Variants in DCDC1 observed in about 807,000 individuals in gnomAD.
The protein encoded by DCDC1 is doublecortin domain-containing protein 1.
Under a neutral mutation model 178.3 loss-of-function variants are expected in DCDC1, and 200 were observed. The observed-to-expected ratio is 1.12, with a 90% CI of 1.00 to 1.26. The LOEUF is 1.26. Among genes scored for constraint, DCDC1 ranks in the 50% most tolerant of loss-of-function variants. The probability of loss-of-function intolerance (pLI) is 0.00; values close to 1 mark genes in which losing one functional copy is unlikely to be tolerated. For synonymous variants in DCDC1, 690 were observed against 604.8 expected, an observed-to-expected ratio of 1.14 and a Z score of -2.07; for missense variants, 1,983 against 1,749.2, an observed-to-expected ratio of 1.13 and a Z score of -2.38.
At chr11:30,883,823 A>G (rs1409178635) in intron 36 of DCDC1, among the ~76,000 whole-genome samples, 1 of 152,156 alleles carries the variant, frequency 6.6e-6, no homozygotes, top group Admixed American at 6.6e-5. Flanking sequence ...TTATTAAGAA[A>G]TGAATCAAAT....
intron 9 of DCDC1, among the ~76,000 whole-genome samples, chr11:31,141,578 C>T (rs1224084018): frequency 6.6e-6 from 1 of 152,038 alleles, no homozygotes; most frequent in Non-Finnish European, 1.5e-5. Flanking sequence ...ATCAGTTGAT[C>T]TATTAATAAA....
rs185368791 is a variant in DCDC1 at position 31,294,724 on chromosome 11, A to G, written c.755-3872T>C. Among the ~76,000 whole-genome samples, 609 of 71,466 alleles carry G rather than the reference A, an allele frequency of 8.5e-3. 20 individuals are homozygous for G. The highest frequency in any genetic ancestry group is 0.027 in the African/African-American group (570 of 20,820). The allele number at this position is 71,466 out of a possible 152,430, so 46.9% of individuals were successfully genotyped here. ...AGAAAGAGAGAGGGAGGAAGGAAGGAAGGGAGGGAGGGAGGGAGGGAGGAA... is the reference window on the plus strand; with the variant it reads ...AGAAAGAGAGAGGGAGGAAGGAAGGGAGGGAGGGAGGGAGGGAGGGAGGAA... On this transcript the variant is annotated intron_variant, in intron 6 of 38. Transcript: ENST00000684477.
At chr11:31,296,711 CTT>C (rs1346242747) in intron 6 of DCDC1, among the ~76,000 whole-genome samples, 3 of 152,124 alleles carry the variant, frequency 2.0e-5, no homozygotes, top group Non-Finnish European at 2.9e-5. Flanking sequence ...CCTCAGGAAA[CTT>C]AGAATCATGG....
chr11:31,305,002 C>T (rs1372360296), intron 6 of DCDC1, among the ~76,000 whole-genome samples: 2 of 152,008 alleles, frequency 1.3e-5, no homozygotes, highest in Non-Finnish European at 2.9e-5. Flanking sequence ...AGAAAATCTC[C>T]ACATTTCTGA....
Position 31,300,735 on chromosome 11 carries a change from A to G in DCDC1, c.754+4880T>C, listed in dbSNP as rs1022962075. Among the ~76,000 whole-genome samples, 23 of 152,140 alleles carry G rather than the reference A, an allele frequency of 1.5e-4. 1 individual carries two copies. The highest frequency in any genetic ancestry group is 2.4e-5 in the African/African-American group (1 of 41,446). On this transcript the variant is annotated intron_variant, in intron 6 of 38. Transcript: ENST00000684477. ...ATTCTCAGGTAAAGTAACAAGCAGCATAGGCAGACAACTAAGTGATTTGAT... is the reference window on the plus strand; with the variant it reads ...ATTCTCAGGTAAAGTAACAAGCAGCGTAGGCAGACAACTAAGTGATTTGAT...
At chr11:31,102,010 G>C (rs1032725632) in intron 15 of DCDC1, among the ~76,000 whole-genome samples, 167 bp downstream of exon 15, 5 of 151,580 alleles carry the variant, frequency 3.3e-5, no homozygotes, top group African/African-American at 2.4e-5. Flanking sequence ...CCAGGAGGTA[G>C]AGGCTGCAGT....
chr11:30,888,060 AAGAGAGAG>A (rs59618526), intron 36 of DCDC1, among the ~76,000 whole-genome samples: 37 of 73,474 alleles, frequency 5.0e-4, no homozygotes, highest in East Asian at 2.8e-3. Flanking sequence ...GAAAGAAAGA[AAGAGAGAG>A]AGAGAGAGAG....
At chr11:31,276,203 C>T (rs1240815591) in intron 7 of DCDC1, among the ~76,000 whole-genome samples, 1 of 152,154 alleles carries the variant, frequency 6.6e-6, no homozygotes, top group Non-Finnish European at 1.5e-5. Context: ...AAAATCTATT[C>T]AGCTAATTCA....
intron 1 of DCDC1, among the ~76,000 whole-genome samples, chr11:31,365,442 GTGA>G (rs1039439637): frequency 4.6e-5 from 7 of 152,068 alleles, no homozygotes; most frequent in Non-Finnish European, 4.4e-5. Flanking sequence ...GGAATAGTTG[GTGA>G]TGGAACTACC....
Position 31,140,275 on chromosome 11 carries a change from G to A in DCDC1, c.1222-2491C>T, listed in dbSNP as rs1963655904. Reference sequence around the variant, plus strand: ...GTTGATTTTTCATGTGTTAAGAAGGGTAGAGATTTCAAAAATTAAAAATTG... The same window carrying A: ...GTTGATTTTTCATGTGTTAAGAAGGATAGAGATTTCAAAAATTAAAAATTG... On this transcript the variant is annotated intron_variant, in intron 9 of 38. Coordinates refer to ENST00000684477, the MANE Select transcript of DCDC1 (RefSeq NM_001387274.1). Among the ~76,000 whole-genome samples, 4 of 152,154 alleles carry A rather than the reference G, an allele frequency of 2.6e-5. No individual in the cohort carries two copies. In the South Asian group the frequency reaches 6.2e-4, roughly 24 times the overall value.
intron 7 of DCDC1, among the ~76,000 whole-genome samples, chr11:31,279,942 G>A (rs1946305559): frequency 6.6e-6 from 1 of 151,510 alleles, no homozygotes; most frequent in African/African-American, 2.4e-5. Flanking sequence ...TCTGTAATAG[G>A]AATTACATAA....
chr11:31,356,060 T>C (rs1951337623), intron 1 of DCDC1, among the ~76,000 whole-genome samples: 1 of 152,148 alleles, frequency 6.6e-6, no homozygotes. Flanking sequence ...CACTCTTTTC[T>C]TCCCCTCTTA....
chr11:31,348,366 GTC>G (rs1235910580), intron 1 of DCDC1, among the ~76,000 whole-genome samples: 3 of 152,112 alleles, frequency 2.0e-5, no homozygotes, highest in Non-Finnish European at 4.4e-5. Flanking sequence ...AAGATTTCAG[GTC>G]TCTTTCTCTA....
chr11:31,156,577 G>T (rs1450216724), intron 9 of DCDC1, among the ~76,000 whole-genome samples: 1 of 152,060 alleles, frequency 6.6e-6, no homozygotes, highest in African/African-American at 2.4e-5. Context: ...AATACAAAAA[G>T]TATTAATGGG....
At chr11:31,190,645 C>T (rs1280615426) in intron 9 of DCDC1, among the ~76,000 whole-genome samples, 1 of 152,046 alleles carries the variant, frequency 6.6e-6, no homozygotes, top group Non-Finnish European at 1.5e-5. Flanking sequence ...TTTACAATCC[C>T]ACTAACAGTG....
intron 18 of DCDC1, among the ~76,000 whole-genome samples, chr11:31,065,919 C>A (rs1956225123): frequency 6.6e-6 from 1 of 152,084 alleles, no homozygotes; most frequent in Non-Finnish European, 1.5e-5. Flanking sequence ...GTGTCATTGT[C>A]CCACGCATCT....
intron 10 of DCDC1, among the ~76,000 whole-genome samples, chr11:31,136,537 T>C (rs1264077191): frequency 6.6e-6 from 1 of 152,072 alleles, no homozygotes; most frequent in Non-Finnish European, 1.5e-5. Flanking sequence ...GTAAGGAAGA[T>C]GAAATCATAA....
chr11:31,159,607 G>T (rs1218825340), intron 9 of DCDC1, among the ~76,000 whole-genome samples: 5 of 152,242 alleles, frequency 3.3e-5, no homozygotes, highest in Admixed American at 6.5e-5. Flanking sequence ...GATGCAGGCA[G>T]TAAGTGTGAG....
chr11:30,894,904 G>A (rs538837943), intron 34 of DCDC1, among the ~76,000 whole-genome samples: 1 of 152,148 alleles, frequency 6.6e-6, no homozygotes, highest in Admixed American at 6.5e-5. Context: ...CACCTCTGCT[G>A]TGCCCTTTAT....
Sources: gnomAD v4.1 joint callset for allele counts (sites outside exome capture counted in the v4.1 genomes callset) on GRCh38, gnomAD v4.1.1 for gene constraint, MANE v1.5 for transcripts, NCBI Gene and HGNC (gene_info 2026-07-23, HGNC 2026-07-21) for gene names.